Variants in ZFYVE28 observed in about 807,000 individuals in gnomAD.
ZFYVE28 encodes lateral signaling target protein 2 homolog.
Under a neutral mutation model 82.1 loss-of-function variants are expected in ZFYVE28, and 40 were observed. The ratio of observed to expected loss-of-function variants is 0.49; its 90% confidence interval spans 0.38 to 0.63. The LOEUF is 0.63. Among genes scored for constraint, ZFYVE28 ranks in the 30% least tolerant of loss-of-function variants. The pLI, the probability that ZFYVE28 is intolerant of heterozygous loss-of-function variation, is 0.00. For synonymous variants in ZFYVE28, 612 were observed against 546.1 expected (o/e 1.12, Z -1.68); for missense variants, 1,321 against 1,242.1 (o/e 1.06, Z -0.96).
intron 1 of ZFYVE28, among the ~76,000 whole-genome samples, chr4:2,360,812 G>C (rs1020057074): frequency 2.0e-5 from 3 of 152,178 alleles, no homozygotes; most frequent in Non-Finnish European, 4.4e-5. Context: ...TGTCCAGCAC[G>C]ACGGGGCTCA....
chr4:2,305,030 C>T lies in ZFYVE28; in HGVS notation c.1310G>A (p.Gly437Glu). Residue 437 changes from glycine to glutamate, a missense_variant, in exon 8 of 13, where the codon GGG (glycine) becomes GAG (glutamate). By Grantham distance (98) the Gly-to-Glu change is moderately conservative. Transcript: ENST00000290974. ...CGCCGCTCCGCCTGGCCCACCCTGC[C>T]CTTTCTCCTGGGGGTCGGCCCAGGT... is the stretch of plus-strand genomic sequence containing the variant. ...GSTWADPQEK[G>E]QGGPGGAAGI... The T allele has an allele frequency of 6.2e-7, 1 of 1,612,782 alleles. No homozygotes were observed. Among genetic ancestry groups the T allele is most frequent in the Non-Finnish European group, 8.5e-7 (1 of 1,179,906 alleles).
In ZFYVE28 at chr4:2,409,596, C is replaced by T. The variant is rs1056671241; in HGVS notation, c.39+8689G>A. ...TGCTCGCTGTCCCTCCGATCCCTGGCTCAGGCAAGGCCCACATGGCCTGAC... is the reference window on the plus strand; with the variant it reads ...TGCTCGCTGTCCCTCCGATCCCTGGTTCAGGCAAGGCCCACATGGCCTGAC... On this transcript the variant is annotated intron_variant, in intron 1 of 12. Transcript: ENST00000290974. This position sits in a 1 kb window ranked among gnomAD's most constrained non-coding sequence, Gnocchi z 4.4. Among the ~76,000 whole-genome samples the T allele has an allele frequency of 6.6e-6, 1 of 152,244 alleles. No individual in the cohort carries two copies. The highest frequency in any genetic ancestry group is 2.4e-5 in the African/African-American group (1 of 41,466).
chr4:2,298,206 G>A (rs1429749985), intron 8 of ZFYVE28, among the ~76,000 whole-genome samples: 1 of 151,142 alleles, frequency 6.6e-6, no homozygotes, highest in African/African-American at 2.4e-5. Context: ...GTGCTGGGAG[G>A]AACAGCAGAG....
intron 7 of ZFYVE28, among the ~76,000 whole-genome samples, chr4:2,312,130 G>A (rs1157660793): frequency 1.3e-5 from 2 of 151,434 alleles, no homozygotes; most frequent in Non-Finnish European, 3.0e-5. Flanking sequence ...GGCTGGTCTC[G>A]AACTCCTGGG....
In ZFYVE28 at chr4:2,339,174, T is replaced by G. The variant is rs657189; in HGVS notation, c.521+279A>C. Among the ~76,000 whole-genome samples the G allele has an allele frequency of 0.18, 27,235 of 152,164 alleles. 2,870 individuals are homozygous for G. Among genetic ancestry groups the G allele is most frequent in the Middle Eastern group, 0.36 (105 of 292 alleles). ...CATCTTCCGAGGCATCATGCATGTC[T>G]GGCCCCTCGGGCCTCTCCAAAGCCC... is the stretch of plus-strand genomic sequence containing the variant. On this transcript the variant is annotated intron_variant, in intron 4 of 12. Transcript: ENST00000290974. This position sits in a 1 kb window ranked among gnomAD's most constrained non-coding sequence, Gnocchi z 5.0.
intron 6 of ZFYVE28, among the ~76,000 whole-genome samples, chr4:2,325,243 A>G (rs1719687581): frequency 6.6e-6 from 1 of 152,186 alleles, no homozygotes. Context: ...ACTTGGTGGG[A>G]AATCCTGCCA....
intron 6 of ZFYVE28, among the ~76,000 whole-genome samples, chr4:2,334,419 C>T (rs550901240): frequency 3.9e-5 from 6 of 152,084 alleles, no homozygotes; most frequent in Admixed American, 2.0e-4. Context: ...CTGCAGGCCC[C>T]GCCGCTGGCC....
At chr4:2,412,109 C>T (rs563394217) in intron 1 of ZFYVE28, among the ~76,000 whole-genome samples, 8 of 152,274 alleles carry the variant, frequency 5.3e-5, no homozygotes, top group Admixed American at 1.3e-4. Flanking sequence ...ACCAGATCCA[C>T]GGGGATGCCT....
At chr4:2,293,037 C>T (rs1305404090) in intron 8 of ZFYVE28, among the ~76,000 whole-genome samples, 1 of 151,914 alleles carries the variant, frequency 6.6e-6, no homozygotes, top group Admixed American at 6.6e-5. Flanking sequence ...ACAGGAGAAC[C>T]ATGTGATTAC....
chr4:2,410,988 T>C (rs1443091617), intron 1 of ZFYVE28, among the ~76,000 whole-genome samples: 1 of 152,146 alleles, frequency 6.6e-6, no homozygotes, highest in Non-Finnish European at 1.5e-5. Context: ...ATGATATCCC[T>C]AAAAATAATT....
In ZFYVE28 at chr4:2,320,186, A is replaced by C; in HGVS notation, c.787T>G (p.Leu263Val). Reference protein sequence around the residue: ...MSELFRPFHTLLRKIRDLLQT... With the variant: ...MSELFRPFHTVLRKIRDLLQT... ...CATCCCCACCTTATTTTCCGCAGCAACGTGTGGAAGGGCCGGAACAGCTCG... is the reference window on the plus strand; with the variant it reads ...CATCCCCACCTTATTTTCCGCAGCACCGTGTGGAAGGGCCGGAACAGCTCG... The change falls in exon 7 of 13, where the codon TTG (leucine) becomes GTG (valine). Residue 263 changes from leucine to valine, a missense_variant. Physicochemically the swap from Leu to Val is conservative, Grantham distance 32. This residue lies in a region of ZFYVE28 where 343 missense variants were observed against 408.4 expected (regional missense o/e 0.84). Coordinates refer to ENST00000290974, the MANE Select transcript of ZFYVE28 (RefSeq NM_020972.3). This position sits in a 1 kb window ranked among gnomAD's most constrained non-coding sequence, Gnocchi z 5.1. 6.2e-7 allele frequency: 1 copy of C among 1,613,764 alleles called. No homozygotes were observed. The highest frequency in any genetic ancestry group is 8.5e-7 in the Non-Finnish European group (1 of 1,179,872).
At chr4:2,314,777 T>C (rs1717967172) in intron 7 of ZFYVE28, among the ~76,000 whole-genome samples, 1 of 152,126 alleles carries the variant, frequency 6.6e-6, no homozygotes, top group Non-Finnish European at 1.5e-5. Context: ...TGTTCTTCAG[T>C]CTCTCTTGCA....
chr4:2,399,743 G>A (rs554390209), intron 1 of ZFYVE28, among the ~76,000 whole-genome samples: 18 of 152,364 alleles, frequency 1.2e-4, no homozygotes, highest in South Asian at 8.3e-4. Flanking sequence ...AGAGCAGAGC[G>A]GAAGAAACAG....
At position 2,320,890 on chromosome 4, in the gene ZFYVE28, C is replaced by T. The variant is rs989995879; in HGVS notation, c.702-619G>A. 1.3e-5 allele frequency among the ~76,000 whole-genome samples: 2 copies of T among 152,196 alleles called. No individual in the cohort carries two copies. The highest frequency in any genetic ancestry group is 2.9e-5 in the Non-Finnish European group (2 of 68,032). The stretch of plus-strand genomic sequence containing the variant: ...GCCGCATGTGGCTGAGGCCGGCTTT[C>T]CTCACTGTCCCTCCCCCAGAGTCCG... On this transcript the variant is annotated intron_variant, in intron 6 of 12. Transcript: ENST00000290974. The surrounding 1 kb of genome is among the most constrained non-coding windows in gnomAD (Gnocchi z 5.1).
Position 2,339,685 on chromosome 4 carries a change from C to T in ZFYVE28, c.319-30G>A, listed in dbSNP as rs768974518. 5.8e-6 allele frequency: 9 copies of T among 1,560,518 alleles called. No homozygotes were observed. Among genetic ancestry groups the T allele is most frequent in the Non-Finnish European group, 7.8e-6 (9 of 1,153,952 alleles). ...GGGAGGGGACACACTCAGGGAGGGG[C>T]CCGGGTGAGGGCCAGGCTCTCAGGG... is the stretch of plus-strand genomic sequence containing the variant. On this transcript the variant is annotated intron_variant, in intron 3 of 12. Coordinates refer to ENST00000290974, the MANE Select transcript of ZFYVE28 (RefSeq NM_020972.3). The surrounding 1 kb of genome is among the most constrained non-coding windows in gnomAD (Gnocchi z 5.0).
At chr4:2,410,484 C>CTTTA (rs1732410016) in intron 1 of ZFYVE28, among the ~76,000 whole-genome samples, 1 of 93,610 alleles carries the variant, frequency 1.1e-5, no homozygotes, top group African/African-American at 4.0e-5. Context: ...ATTTTTTTAA[C>CTTTA]TTTATTTATT....
At chr4:2,378,213 C>T (rs1044369620) in intron 1 of ZFYVE28, among the ~76,000 whole-genome samples, 4 of 152,202 alleles carry the variant, frequency 2.6e-5, no homozygotes, top group Admixed American at 6.5e-5. Flanking sequence ...CGGTAGTGCA[C>T]GCCTGCAGTC....
rs969507655 is a variant in ZFYVE28 at position 2,304,271 on chromosome 4, G to A, written c.2051+18C>T. ...GCAGAGAGGACAAACCCAGTCTCTGGGCCAGACTGGCTCTTACCTGGAGCC... is the reference window on the plus strand; with the variant it reads ...GCAGAGAGGACAAACCCAGTCTCTGAGCCAGACTGGCTCTTACCTGGAGCC... On this transcript the variant is annotated intron_variant, in intron 8 of 12. Transcript: ENST00000290974. 5.8e-6 allele frequency: 9 copies of A among 1,544,506 alleles called. No homozygotes were observed. The highest frequency in any genetic ancestry group is 6.9e-6 in the Non-Finnish European group (8 of 1,154,928).
rs753275105 is a variant in ZFYVE28 at position 2,335,685 on chromosome 4, TG to T, written c.701+19del. The T allele has an allele frequency of 6.4e-7, 1 of 1,562,122 alleles. No individual in the cohort carries two copies. ...GTCCCGCAGGTTTCTGCAGAGGTCCTGGGCACAGGAGGCACTCACCACACGA... is the reference window on the plus strand; with the variant it reads ...GTCCCGCAGGTTTCTGCAGAGGTCCTGGCACAGGAGGCACTCACCACACGA... On this transcript the variant is annotated intron_variant, in intron 6 of 12. Coordinates refer to ENST00000290974, the MANE Select transcript of ZFYVE28 (RefSeq NM_020972.3). The surrounding 1 kb of genome is among the most constrained non-coding windows in gnomAD (Gnocchi z 5.8).
Sources: gnomAD v4.1 joint callset for allele counts (sites outside exome capture counted in the v4.1 genomes callset) on GRCh38, gnomAD v4.1.1 for gene constraint, gnomAD v4.1.1 regional missense constraint, Gnocchi (gnomAD v3.1) non-coding constraint, MANE v1.5 for transcripts, NCBI Gene and HGNC (gene_info 2026-07-23, HGNC 2026-07-21) for gene names.